ADCY10: variants seen among roughly 807,000 people sequenced by gnomAD.
ADCY10 encodes the protein adenylate cyclase 10, also known as adenylate cyclase type 10.
In ADCY10, 156 loss-of-function variants were observed where a neutral mutation model predicts 183.3. That is an observed-to-expected ratio of 0.85 (90% confidence interval 0.75 to 0.97). The LOEUF (loss-of-function observed/expected upper bound fraction) is 0.97, where lower values mean the gene tolerates loss of function less well. ADCY10 is among the 50% of genes least tolerant of loss of function. ADCY10 has a pLI of 0.00. For missense variants in ADCY10, 1,745 were observed against 1,934.3 expected (o/e 0.90, Z 1.84); for synonymous variants, 645 against 670.0 (o/e 0.96, Z 0.58).
At chr1:167,828,219 T>A (rs578072379) in intron 26 of ADCY10, among the ~76,000 whole-genome samples, 4 of 152,368 alleles carry the variant, frequency 2.6e-5, no homozygotes, top group Admixed American at 2.0e-4. Flanking sequence ...TTCAGTGGAA[T>A]ACAAGTGATT....
chr1:167,893,390 A>G (rs1009769983), intron 8 of ADCY10, among the ~76,000 whole-genome samples: 1 of 152,152 alleles, frequency 6.6e-6, no homozygotes, highest in Non-Finnish European at 1.5e-5. Flanking sequence ...GATTTGAACA[A>G]TGAATTTCAC....
At chr1:167,856,580 C>A (rs1011371302) in intron 16 of ADCY10, 141 bp from the exon 17 acceptor site, 17 of 839,442 alleles carry the variant, frequency 2.0e-5, no homozygotes, top group Middle Eastern at 3.5e-4. Flanking sequence ...TCTTTTCTTT[C>A]CAGTAACTTT....
chr1:167,883,830 T>C (rs1668037300), intron 8 of ADCY10, among the ~76,000 whole-genome samples: 1 of 152,174 alleles, frequency 6.6e-6, no homozygotes, highest in South Asian at 2.1e-4. Flanking sequence ...GACTTATGCA[T>C]GTGCTAATTT....
Position 167,820,155 on chromosome 1 carries a change from G to GC in ADCY10, c.4286+1868dup, listed in dbSNP as rs201804167. 887 of 1,545,586 alleles carry GC rather than the reference G, an allele frequency of 5.7e-4. 12 individuals carry two copies. The East Asian group carries it at 0.019, about 33-fold the overall frequency. On this transcript the variant is annotated intron_variant, in intron 30 of 32. Transcript: ENST00000367851. ...AGCTTTTTGGATCCCTTAATTTCCTGCCCCGCAGATTCCCCGAATGCCGCG... is the reference window on the plus strand; with the variant it reads ...AGCTTTTTGGATCCCTTAATTTCCTGCCCCCGCAGATTCCCCGAATGCCGCG...
chr1:167,827,512 G>A (rs905321059), intron 26 of ADCY10, among the ~76,000 whole-genome samples: 14 of 151,576 alleles, frequency 9.2e-5, no homozygotes, highest in African/African-American at 3.2e-4. Context: ...ACTCTCATTA[G>A]ATGAGTTTGA....
chr1:167,811,846 G>A (rs934490215), intron 31 of ADCY10, among the ~76,000 whole-genome samples: 2 of 152,126 alleles, frequency 1.3e-5, no homozygotes, highest in Non-Finnish European at 2.9e-5. Context: ...CTGGAGAGAC[G>A]GCAGAGTAGG....
intron 6 of ADCY10, 57 bp downstream of exon 6, chr1:167,899,366 A>C: frequency 6.4e-7 from 1 of 1,552,660 alleles, no homozygotes; most frequent in Non-Finnish European, 8.9e-7. Context: ...CTCTTCTGGC[A>C]GGGGGCCTCT....
At chr1:167,894,155 T>C (rs1668800594) in intron 7 of ADCY10, among the ~76,000 whole-genome samples, 1 of 152,224 alleles carries the variant, frequency 6.6e-6, no homozygotes, top group Non-Finnish European at 1.5e-5. Context: ...TTCAGTCACA[T>C]GTAGCTCAAA....
intron 8 of ADCY10, among the ~76,000 whole-genome samples, chr1:167,885,445 G>C (rs950288878): frequency 7.2e-5 from 11 of 152,118 alleles, no homozygotes; most frequent in African/African-American, 2.2e-4. Flanking sequence ...ATCCTGTCCA[G>C]CGTTTGTTAT....
rs150387461 is a variant in ADCY10 at position 167,841,434 on chromosome 1, C to T, written c.3008-4116G>A. Among the ~76,000 whole-genome samples, 534 of 151,606 alleles carry T rather than the reference C, an allele frequency of 3.5e-3. 18 individuals are homozygous for T. The highest frequency in any genetic ancestry group is 0.032 in the Admixed American group (493 of 15,214). ...CAGTGAAGTCACCCAAATGGCTCTG[C>T]GCTCCTCCTACCCAACATTCTTTTC... is the stretch of plus-strand genomic sequence containing the variant. On this transcript the variant is annotated intron_variant, in intron 21 of 32. Coordinates refer to ENST00000367851, the MANE Select transcript of ADCY10 (RefSeq NM_018417.6).
rs1662160774 is a variant in ADCY10, at chr1:167,810,854, G to GTAGA, written c.4538_4541dup (p.His1515LeufsTer29). Reference sequence around the variant, plus strand: ...ATATACAGACGTAAGCCATCAGGTGGTAGAGCCTTGGGCAAAAGACAGGGC... The same window carrying GTAGA: ...ATATACAGACGTAAGCCATCAGGTGGTAGATAGAGCCTTGGGCAAAAGACAGGGC... On this transcript the variant is annotated frameshift_variant, in exon 32 of 33. Transcript: ENST00000367851. LOFTEE classifies it high-confidence loss of function. The GTAGA allele has an allele frequency of 6.2e-7, 1 of 1,614,034 alleles. No homozygotes were observed. The highest frequency in any genetic ancestry group is 2.2e-5 in the East Asian group (1 of 44,896).
chr1:167,856,079 A>T, intron 17 of ADCY10, 86 bp downstream of exon 17: 1 of 1,475,158 alleles, frequency 6.8e-7, no homozygotes, highest in Non-Finnish European at 9.4e-7. Context: ...AGGCACATCA[A>T]GACACATACT....
intron 8 of ADCY10, among the ~76,000 whole-genome samples, chr1:167,890,912 C>T (rs1186359551): frequency 6.6e-6 from 1 of 152,140 alleles, no homozygotes; most frequent in Non-Finnish European, 1.5e-5. Context: ...ACACAATAAA[C>T]TAGAATCCAA....
intron 26 of ADCY10, among the ~76,000 whole-genome samples, chr1:167,825,873 T>TTAAA (rs1663252618): frequency 6.6e-6 from 1 of 152,216 alleles, no homozygotes; most frequent in Non-Finnish European, 1.5e-5. Flanking sequence ...TAAAGTTGCT[T>TTAAA]CAGAGTATAC....
At chr1:167,875,746 C>G (rs529486308) in intron 12 of ADCY10, among the ~76,000 whole-genome samples, 4 of 151,844 alleles carry the variant, frequency 2.6e-5, no homozygotes, top group Non-Finnish European at 4.4e-5. Flanking sequence ...GTCAGGAGAT[C>G]GAGACCATCC....
At chr1:167,851,577 T>C (rs1352433129) in intron 18 of ADCY10, among the ~76,000 whole-genome samples, 1 of 151,972 alleles carries the variant, frequency 6.6e-6, no homozygotes, top group Non-Finnish European at 1.5e-5. Context: ...AATCCCAGCA[T>C]TTTGGGAGGC....
At chr1:167,887,449 A>G (rs1668303169) in intron 8 of ADCY10, among the ~76,000 whole-genome samples, 1 of 152,200 alleles carries the variant, frequency 6.6e-6, no homozygotes, top group Non-Finnish European at 1.5e-5. Context: ...ACAAGGATAG[A>G]AAACCAAACA....
chr1:167,834,602 C>G (rs1282792825), intron 23 of ADCY10: 1 of 203,570 alleles, frequency 4.9e-6, no homozygotes, highest in East Asian at 1.2e-4. Context: ...CTCCCAACAT[C>G]ATTAGGCAAA....
intron 29 of ADCY10, 119 bp from the exon 30 acceptor site, chr1:167,822,260 A>G: frequency 1.3e-6 from 1 of 794,308 alleles, no homozygotes; most frequent in Non-Finnish European, 2.3e-6. Context: ...TATTGTATGA[A>G]TCCAGAGGGT....
Sources: allele counts gnomAD v4.1 joint callset (sites outside exome capture counted in the v4.1 genomes callset), GRCh38; gene constraint gnomAD v4.1.1; transcripts MANE v1.5; gene names NCBI Gene and HGNC (gene_info 2026-07-23, HGNC 2026-07-21).